The following DAAM1 variants were observed in gnomAD, a reference collection of about 807,000 sequenced individuals.
DAAM1 encodes disheveled-associated activator of morphogenesis 1.
DAAM1 carries 52 observed loss-of-function variants against 130.0 expected under a neutral mutation model. The observed-to-expected ratio is 0.40, with a 90% CI of 0.32 to 0.50. DAAM1 has a LOEUF of 0.50. Ranked by LOEUF, DAAM1 falls within the 20% of genes least tolerant of loss-of-function variation. DAAM1 has a pLI of 0.61. For missense variants in DAAM1, 1,134 were observed against 1,303.8 expected, an observed-to-expected ratio of 0.87 and a Z score of 2.01; for synonymous variants, 452 against 444.5, an observed-to-expected ratio of 1.02 and a Z score of -0.21.
intron 20 of DAAM1, chr14:59,359,125 A>C (rs952371502): frequency 4.1e-6 from 1 of 246,262 alleles, no homozygotes; most frequent in Non-Finnish European, 7.9e-6. Flanking sequence ...ATGGGCCACA[A>C]ATGTAATTCT....
intron 3 of DAAM1, among the ~76,000 whole-genome samples, chr14:59,292,786 A>C (rs1883801057): frequency 6.6e-6 from 1 of 152,180 alleles, no homozygotes; most frequent in Non-Finnish European, 1.5e-5. Context: ...TTCCAAACTA[A>C]AGCCTTAAGA....
chr14:59,198,194 T>C (rs560656429), intron 1 of DAAM1, among the ~76,000 whole-genome samples: 359 of 150,726 alleles, frequency 2.4e-3, no homozygotes, highest in Non-Finnish European at 4.2e-3. Flanking sequence ...CTTTCTTTTC[T>C]TTTCTTTTCT....
chr14:59,322,671 G>T (rs1368724352), intron 5 of DAAM1, among the ~76,000 whole-genome samples: 2 of 152,078 alleles, frequency 1.3e-5, no homozygotes, highest in African/African-American at 4.8e-5. Flanking sequence ...ATTGAGATAT[G>T]TTTATCACAA....
intron 1 of DAAM1, among the ~76,000 whole-genome samples, chr14:59,206,034 A>T (rs1888245626): frequency 6.6e-6 from 1 of 151,840 alleles, no homozygotes. Context: ...AAAAATTTTC[A>T]TAAAGACAGG....
intron 3 of DAAM1, among the ~76,000 whole-genome samples, chr14:59,312,752 A>T (rs781534286): frequency 2.6e-5 from 4 of 152,202 alleles, no homozygotes; most frequent in Non-Finnish European, 5.9e-5. Context: ...GAAAGATTGT[A>T]TATTTCTTTA....
chr14:59,213,395 C>T (rs1457566094), intron 1 of DAAM1, among the ~76,000 whole-genome samples: 2 of 149,216 alleles, frequency 1.3e-5, no homozygotes, highest in African/African-American at 4.9e-5. Flanking sequence ...CACTGATAAT[C>T]CCACCTTGTT....
At chr14:59,222,676 A>G (rs974834309) in intron 1 of DAAM1, among the ~76,000 whole-genome samples, 8 of 152,212 alleles carry the variant, frequency 5.3e-5, no homozygotes, top group African/African-American at 1.9e-4. Flanking sequence ...CATTCTATCC[A>G]CTTGAAATCC....
At chr14:59,286,979 A>G (rs1883491151) in intron 2 of DAAM1, among the ~76,000 whole-genome samples, 1 of 152,154 alleles carries the variant, frequency 6.6e-6, no homozygotes, top group African/African-American at 2.4e-5. Context: ...AGACACAAGA[A>G]AAAAAGAGAA....
intron 2 of DAAM1, among the ~76,000 whole-genome samples, chr14:59,286,502 G>A (rs1461165889): frequency 1.4e-4 from 22 of 151,844 alleles, no homozygotes; most frequent in Admixed American, 1.4e-3. Context: ...AATCTTTCTT[G>A]GAAAGATTAA....
At chr14:59,305,195 A>G (rs1884328739) in intron 3 of DAAM1, among the ~76,000 whole-genome samples, 4 of 152,348 alleles carry the variant, frequency 2.6e-5, no homozygotes, top group Middle Eastern at 3.4e-3. Flanking sequence ...TTAGCACTCC[A>G]TGGTGACATG....
intron 2 of DAAM1, among the ~76,000 whole-genome samples, chr14:59,274,164 T>G (rs960409434): frequency 3.9e-5 from 6 of 152,188 alleles, no homozygotes; most frequent in African/African-American, 1.4e-4. Context: ...GTTGCAGTAT[T>G]TTTTCTTGTG....
rs1886963054 is a variant in DAAM1 at position 59,367,424 on chromosome 14, C to T, written c.2827-5C>T. The T allele has an allele frequency of 1.3e-6, 2 of 1,586,438 alleles. No individual in the cohort carries two copies. The highest frequency in any genetic ancestry group is 1.4e-5 in the African/African-American group (1 of 73,582). ...ATTGACTTCTTAAAACCATCTTTTT[C>T]CTAGTTTACTAAAGCAGTGAAGCAC... is the stretch of plus-strand genomic sequence containing the variant. On this transcript the variant is annotated splice_polypyrimidine_tract_variant and splice_region_variant and intron_variant, in intron 23 of 24. Coordinates refer to ENST00000360909, the MANE Select transcript of DAAM1 (RefSeq NM_001270520.2).
intron 3 of DAAM1, among the ~76,000 whole-genome samples, chr14:59,296,534 A>G (rs1883960884): frequency 6.6e-6 from 1 of 152,204 alleles, no homozygotes; most frequent in Non-Finnish European, 1.5e-5. Context: ...ATAGAATCAA[A>G]TAGTAATCAA....
At chr14:59,345,181 A>T (rs74057107) in intron 16 of DAAM1, among the ~76,000 whole-genome samples, 1 of 152,032 alleles carries the variant, frequency 6.6e-6, no homozygotes, top group East Asian at 1.9e-4. Context: ...TCCCTGTTGT[A>T]TACTTTACCC....
rs937012437 is a variant in DAAM1 at position 59,276,986 on chromosome 14, A to G, written c.183+13326A>G. ...ATGTATGTAAAGAGTTAGTTAACTC[A>G]TTAGAAATAGATATCCTGAATTTCT... is the stretch of plus-strand genomic sequence containing the variant. On this transcript the variant is annotated intron_variant, in intron 2 of 24. Transcript: ENST00000360909. Among the ~76,000 whole-genome samples, 5 of 152,352 alleles carry G rather than the reference A, an allele frequency of 3.3e-5. 1 individual carries two copies. Among genetic ancestry groups the G allele is most frequent in the Admixed American group, 3.3e-4 (5 of 15,294 alleles).
intron 2 of DAAM1, among the ~76,000 whole-genome samples, chr14:59,288,918 T>A (rs918968418): frequency 1.1e-4 from 14 of 133,028 alleles, no homozygotes; most frequent in Non-Finnish European, 2.3e-4. Flanking sequence ...TGTTTTTTTG[T>A]TGTTGTTTTT....
intron 1 of DAAM1, among the ~76,000 whole-genome samples, chr14:59,241,762 C>T (rs1473497781): frequency 6.6e-6 from 1 of 152,180 alleles, no homozygotes; most frequent in East Asian, 1.9e-4. Context: ...GGCTATGACA[C>T]TCTTTTTAAG....
intron 3 of DAAM1, among the ~76,000 whole-genome samples, chr14:59,310,798 C>T (rs1371464099): frequency 2.0e-5 from 3 of 152,070 alleles, no homozygotes. Flanking sequence ...AGAACCTCCT[C>T]AATTCGTAAC....
chr14:59,234,908 T>C (rs1479631347), intron 1 of DAAM1, among the ~76,000 whole-genome samples: 1 of 152,122 alleles, frequency 6.6e-6, no homozygotes, highest in Non-Finnish European at 1.5e-5. Flanking sequence ...AATCATGTGG[T>C]TTTTTTCCTT....
Sources: allele counts gnomAD v4.1 joint callset (sites outside exome capture counted in the v4.1 genomes callset), GRCh38; gene constraint gnomAD v4.1.1; transcripts MANE v1.5; gene names NCBI Gene and HGNC (gene_info 2026-07-23, HGNC 2026-07-21).